Variants in CYFIP2 observed in about 807,000 individuals in gnomAD.
CYFIP2 encodes the protein cytoplasmic FMR1-interacting protein 2.
CYFIP2 carries 29 observed loss-of-function variants against 158.7 expected under a neutral mutation model. The observed-to-expected ratio is 0.18, with a 90% CI of 0.14 to 0.25. The LOEUF is 0.25. Ranked by LOEUF, CYFIP2 falls within the 10% of genes least tolerant of loss-of-function variation. CYFIP2 has a pLI of 1.00. For missense variants in CYFIP2, 852 were observed against 1,639.5 expected (o/e 0.52, Z 8.29); for synonymous variants, 585 against 617.6 (o/e 0.95, Z 0.78).
Position 157,334,712 on chromosome 5 carries a change from T to C in CYFIP2, c.2385+1266T>C, listed in dbSNP as rs10045620. Reference sequence around the variant, plus strand: ...AAAAAAAAAAAAGTGAATGATACTTTTCAAAAGTGCGCAGGTCTTGAGAGA... The same window carrying C: ...AAAAAAAAAAAAGTGAATGATACTTCTCAAAAGTGCGCAGGTCTTGAGAGA... On this transcript the variant is annotated intron_variant, in intron 21 of 30. Coordinates refer to ENST00000620254, the MANE Select transcript of CYFIP2 (RefSeq NM_001037333.3). Among the ~76,000 whole-genome samples, 1,418 of 152,228 alleles carry C rather than the reference T, an allele frequency of 9.3e-3. 17 individuals carry two copies. The highest frequency in any genetic ancestry group is 0.032 in the African/African-American group (1,317 of 41,518).
intron 26 of CYFIP2, among the ~76,000 whole-genome samples, chr5:157,372,018 T>C (rs1219324468): frequency 6.6e-6 from 1 of 152,186 alleles, no homozygotes; most frequent in East Asian, 1.9e-4. Flanking sequence ...AGAGAGAAAC[T>C]TCTGCAGAAG....
chr5:157,287,694 G>A (rs1757501072), intron 3 of CYFIP2, among the ~76,000 whole-genome samples: 1 of 152,030 alleles, frequency 6.6e-6, no homozygotes, highest in Non-Finnish European at 1.5e-5. Context: ...CCTGCCTGTG[G>A]TTCCATAAAC....
At chr5:157,377,326 C>G (rs1270587756) in intron 26 of CYFIP2, among the ~76,000 whole-genome samples, 1 of 152,102 alleles carries the variant, frequency 6.6e-6, no homozygotes, top group Non-Finnish European at 1.5e-5. Context: ...TTCAGTCTAC[C>G]TTGGCTCTCA....
Position 157,341,050 on chromosome 5 carries a change from C to T in CYFIP2, c.2586-20C>T. On this transcript the variant is annotated intron_variant, in intron 22 of 30. Transcript: ENST00000620254. ...TATTAGGACCATATTAACTCTTTCC[C>T]ATCCCTATGCTTCTACTAGTTTTGT... 1 of 1,609,466 alleles carries T rather than the reference C, an allele frequency of 6.2e-7. No homozygotes were observed. The highest frequency in any genetic ancestry group is 2.2e-5 in the East Asian group (1 of 44,860).
At chr5:157,390,695 G>A (rs1461383851) in intron 30 of CYFIP2, 27 bp downstream of exon 30, 1 of 1,574,082 alleles carries the variant, frequency 6.4e-7, no homozygotes, top group Admixed American at 1.9e-5. Context: ...CTAAGGCCTG[G>A]GAGGTGGGGC....
intron 16 of CYFIP2, chr5:157,324,987 A>T (rs1485016219): frequency 1.3e-5 from 2 of 151,374 alleles, no homozygotes; most frequent in African/African-American, 2.4e-5. Context: ...TTATTTTTTT[A>T]ATTTATTATT....
rs751164863 is a variant in CYFIP2, at chr5:157,324,013, C to A, written c.1764C>A (p.Val588=). The A allele has an allele frequency of 6.2e-7, 1 of 1,613,692 alleles. No homozygotes were observed. The highest frequency in any genetic ancestry group is 1.1e-5 in the South Asian group (1 of 90,960). ...TLRSSLDGPI[V]LAIEDFHKQS... ...GGAGCAGCCTGGATGGACCCATTGT[C>A]CTCGCCATAGAGGACTTTCACAAAC... The change falls in exon 16 of 31, where the codon GTC becomes GTA. Residue 588 remains valine, a synonymous_variant. Coordinates refer to ENST00000620254, the MANE Select transcript of CYFIP2 (RefSeq NM_001037333.3).
At chr5:157,316,158 A>G (rs191863061) in intron 13 of CYFIP2, among the ~76,000 whole-genome samples, 35 of 152,320 alleles carry the variant, frequency 2.3e-4, no homozygotes, top group Non-Finnish European at 3.8e-4. Context: ...CATATTGTTA[A>G]GTTAAAAAAG....
At chr5:157,354,750 C>T (rs1763300191) in intron 23 of CYFIP2, among the ~76,000 whole-genome samples, 1 of 152,026 alleles carries the variant, frequency 6.6e-6, no homozygotes, top group Admixed American at 6.6e-5. Context: ...CAAAGTGAAC[C>T]GAGTGGGTGT....
chr5:157,390,416 C>G (rs1179809297), intron 29 of CYFIP2, 105 bp from the exon 30 acceptor site: 8 of 1,120,222 alleles, frequency 7.1e-6, no homozygotes, highest in African/African-American at 3.2e-5. Flanking sequence ...GGCCCAAAGA[C>G]AGGCCTGCTT....
rs73815817 is a variant in CYFIP2 at position 157,314,269 on chromosome 5, T to C, written c.1111-75T>C. ...ATAATAGCACTTCCCTGCAGTGTTC[T>C]TGGGGGAATCAATGAGATAACATAT... On this transcript the variant is annotated intron_variant, in intron 11 of 30. Coordinates refer to ENST00000620254, the MANE Select transcript of CYFIP2 (RefSeq NM_001037333.3). 2.2e-3 allele frequency: 3,362 copies of C among 1,553,084 alleles called. 58 individuals are homozygous for C. The African/African-American group carries it at 0.037, about 17-fold the overall frequency.
chr5:157,320,649 C>T lies in CYFIP2; in HGVS notation c.1524-6C>T, dbSNP rs1233302267. On this transcript the variant is annotated splice_polypyrimidine_tract_variant and splice_region_variant and intron_variant, in intron 14 of 30. Coordinates refer to ENST00000620254, the MANE Select transcript of CYFIP2 (RefSeq NM_001037333.3). ...CTGGTCTAAGTCTTAGTTCTTCCTT[C>T]CCCAGCGTCCTACAGGCAATTCGAA... 1 of 1,613,752 alleles carries T rather than the reference C, an allele frequency of 6.2e-7. No homozygotes were observed. Among genetic ancestry groups the T allele is most frequent in the East Asian group, 2.2e-5 (1 of 44,894 alleles).
In CYFIP2 at chr5:157,311,395, T is replaced by G; in HGVS notation, c.993-269T>G. On this transcript the variant is annotated intron_variant, in intron 10 of 30. Coordinates refer to ENST00000620254, the MANE Select transcript of CYFIP2 (RefSeq NM_001037333.3). This position sits in a 1 kb window ranked among gnomAD's most constrained non-coding sequence, Gnocchi z 4.7. ...GTTCCCGCCCCTCTCATATTACTGG[T>G]AAGTATTATGGACCAGGTATCTGGA... 2.0e-6 allele frequency: 1 copy of G among 489,546 alleles called. No homozygotes were observed. The highest frequency in any genetic ancestry group is 3.7e-6 in the Non-Finnish European group (1 of 268,036). 30.3% of individuals were successfully genotyped at this position (489,546 alleles called of 1,614,324 possible). A position where few individuals can be genotyped will look rare whatever the true frequency, so the allele number is the denominator to read the frequency against.
intron 1 of CYFIP2, chr5:157,269,406 T>C (rs1377439467): frequency 1.3e-5 from 2 of 152,178 alleles, no homozygotes; most frequent in African/African-American, 2.4e-5. Context: ...CCAAAAATGT[T>C]GAGGGCATGC....
At chr5:157,392,120 T>C (rs1767360787) in intron 30 of CYFIP2, among the ~76,000 whole-genome samples, 1 of 152,218 alleles carries the variant, frequency 6.6e-6, no homozygotes, top group South Asian at 2.1e-4. Flanking sequence ...TCATTTTTGT[T>C]GAGTTGAAGT....
chr5:157,320,072 G>T, intron 14 of CYFIP2, 144 bp downstream of exon 14: 3 of 995,542 alleles, frequency 3.0e-6, no homozygotes, highest in South Asian at 1.6e-5. Flanking sequence ...GGGCATTTGG[G>T]ATGAATTAAG....
intron 28 of CYFIP2, chr5:157,384,722 C>G: frequency 2.9e-6 from 1 of 344,218 alleles, no homozygotes; most frequent in South Asian, 2.2e-5. Flanking sequence ...GGCGGATCAC[C>G]TCAGGTCAGG....
At chr5:157,297,229 C>CT (rs1186412289) in intron 5 of CYFIP2, among the ~76,000 whole-genome samples, 125 of 152,238 alleles carry the variant, frequency 8.2e-4, no homozygotes, top group African/African-American at 2.8e-3. Context: ...GAGGCTGAGG[C>CT]CGGAAGGAGC....
intron 4 of CYFIP2, 24 bp from the exon 5 acceptor site, chr5:157,296,649 G>GT: frequency 3.1e-6 from 5 of 1,603,268 alleles, no homozygotes; most frequent in Non-Finnish European, 4.3e-6. Flanking sequence ...ACCAGGATGT[G>GT]TGTGTCCCCA....
Sources: gnomAD v4.1 joint callset for allele counts (sites outside exome capture counted in the v4.1 genomes callset) on GRCh38, gnomAD v4.1.1 for gene constraint, Gnocchi (gnomAD v3.1) non-coding constraint, MANE v1.5 for transcripts, NCBI Gene and HGNC (gene_info 2026-07-23, HGNC 2026-07-21) for gene names.